GALNTL6: variants seen among roughly 807,000 people sequenced by gnomAD.
GALNTL6 encodes polypeptide N-acetylgalactosaminyltransferase-like 6.
Under a neutral mutation model 73.7 loss-of-function variants are expected in GALNTL6, and 46 were observed. The ratio of observed to expected loss-of-function variants is 0.62; its 90% CI spans 0.49 to 0.80. The LOEUF is 0.80. GALNTL6 is among the 30% of genes least tolerant of loss of function. GALNTL6 has a pLI of 0.00. For missense variants in GALNTL6, 604 were observed against 755.0 expected (o/e 0.80, Z 2.34); for synonymous variants, 259 against 263.7 (o/e 0.98, Z 0.17).
chr4:172,372,999 C>T (rs770228428), intron 5 of GALNTL6, among the ~76,000 whole-genome samples: 1 of 152,168 alleles, frequency 6.6e-6, no homozygotes, highest in Middle Eastern at 3.2e-3. Context: ...ACACCTTGTA[C>T]CCTTGATCGG....
intron 5 of GALNTL6, among the ~76,000 whole-genome samples, chr4:172,427,439 C>T (rs564386084): frequency 6.6e-6 from 1 of 152,146 alleles, no homozygotes; most frequent in South Asian, 2.1e-4. Flanking sequence ...CAGGTCCTTA[C>T]CAGGGCATGT....
At chr4:172,087,444 C>CCCA (rs1732077907) in intron 2 of GALNTL6, among the ~76,000 whole-genome samples, 1 of 100,572 alleles carries the variant, frequency 9.9e-6, no homozygotes, top group Non-Finnish European at 2.0e-5. Context: ...GACTCCATCC[C>CCCA]AAAAAAAAAA....
intron 2 of GALNTL6, among the ~76,000 whole-genome samples, chr4:172,215,995 CCA>C (rs1736485599): frequency 6.6e-6 from 1 of 152,066 alleles, no homozygotes; most frequent in Non-Finnish European, 1.5e-5. Context: ...AACATTGCTG[CCA>C]TTCATTTTAT....
intron 5 of GALNTL6, among the ~76,000 whole-genome samples, chr4:172,579,535 G>A (rs1184109672): frequency 6.6e-6 from 1 of 152,130 alleles, no homozygotes; most frequent in Non-Finnish European, 1.5e-5. Context: ...AGAGAGCAAT[G>A]TTCCTCGAAG....
At chr4:171,919,839 G>A (rs1302005264) in intron 2 of GALNTL6, among the ~76,000 whole-genome samples, 1 of 152,168 alleles carries the variant, frequency 6.6e-6, no homozygotes, top group African/African-American at 2.4e-5. Context: ...CATCGTGGAA[G>A]TCAGTGTGGC....
At chr4:172,811,887 A>G (rs1328790026) in intron 6 of GALNTL6, among the ~76,000 whole-genome samples, 3 of 152,208 alleles carry the variant, frequency 2.0e-5, no homozygotes, top group Non-Finnish European at 2.9e-5. Flanking sequence ...TTCATTCCTG[A>G]AGACAGAAAT....
At chr4:171,934,147 C>T (rs1738271214) in intron 2 of GALNTL6, among the ~76,000 whole-genome samples, 2 of 152,112 alleles carry the variant, frequency 1.3e-5, no homozygotes, top group Admixed American at 6.5e-5. Flanking sequence ...GATGATATGA[C>T]TTCAGTTTCT....
At chr4:172,849,645 TATG>T (rs1743707862) in intron 7 of GALNTL6, among the ~76,000 whole-genome samples, 1 of 152,230 alleles carries the variant, frequency 6.6e-6, no homozygotes. Context: ...TAGTTTACAA[TATG>T]ATAATATTTA....
At chr4:172,305,454 A>G (rs1473734201) in intron 3 of GALNTL6, among the ~76,000 whole-genome samples, 2 of 152,174 alleles carry the variant, frequency 1.3e-5, no homozygotes, top group African/African-American at 4.8e-5. Flanking sequence ...ATATTTAAAG[A>G]AAGATGCTGT....
At chr4:172,166,539 T>G (rs1446295645) in intron 2 of GALNTL6, among the ~76,000 whole-genome samples, 12 of 152,062 alleles carry the variant, frequency 7.9e-5, no homozygotes, top group Admixed American at 7.9e-4. Flanking sequence ...AACAAACACA[T>G]AAGAAGAATA....
intron 2 of GALNTL6, among the ~76,000 whole-genome samples, chr4:171,847,013 T>C (rs1735393244): frequency 6.7e-6 from 1 of 150,032 alleles, no homozygotes; most frequent in African/African-American, 2.4e-5. Context: ...TAGATATCTA[T>C]ATCTCTCTCT....
At chr4:171,889,861 AT>A (rs1736712835) in intron 2 of GALNTL6, among the ~76,000 whole-genome samples, 2 of 152,068 alleles carry the variant, frequency 1.3e-5, no homozygotes, top group African/African-American at 4.8e-5. Context: ...AAGTCAAGTC[AT>A]TTTCTAAGAC....
intron 5 of GALNTL6, among the ~76,000 whole-genome samples, chr4:172,648,080 T>A (rs1431258270): frequency 6.6e-6 from 1 of 152,066 alleles, no homozygotes; most frequent in African/African-American, 2.4e-5. Flanking sequence ...GGCTCCGGCA[T>A]GGGTAGATTT....
chr4:172,096,300 G>T (rs890016197), intron 2 of GALNTL6, among the ~76,000 whole-genome samples: 24 of 152,076 alleles, frequency 1.6e-4, no homozygotes, highest in Non-Finnish European at 3.1e-4. Flanking sequence ...TCACTATGCT[G>T]CCCAGGCTGG....
At chr4:172,639,024 T>C (rs1450466779) in intron 5 of GALNTL6, among the ~76,000 whole-genome samples, 1 of 152,160 alleles carries the variant, frequency 6.6e-6, no homozygotes. Flanking sequence ...AGGTGCTACA[T>C]GATGTTGGTT....
intron 2 of GALNTL6, among the ~76,000 whole-genome samples, chr4:172,182,427 G>C (rs1040322137): frequency 2.1e-4 from 32 of 151,588 alleles, no homozygotes; most frequent in Non-Finnish European, 1.5e-5. Flanking sequence ...TGGGAATCTT[G>C]TAATTTGGTA....
At chr4:172,049,185 G>T (rs1164662025) in intron 2 of GALNTL6, among the ~76,000 whole-genome samples, 1 of 151,868 alleles carries the variant, frequency 6.6e-6, no homozygotes, top group Non-Finnish European at 1.5e-5. Flanking sequence ...ATATTTCTTT[G>T]TGGGTCTAGT....
chr4:172,382,901 G>T (rs553559634), intron 5 of GALNTL6, among the ~76,000 whole-genome samples: 1 of 151,846 alleles, frequency 6.6e-6, no homozygotes, highest in African/African-American at 2.4e-5. Flanking sequence ...TTAAAGGACT[G>T]TTTTTTCCCC....
At chr4:172,795,134 G>T (rs1740194201) in intron 5 of GALNTL6, among the ~76,000 whole-genome samples, 1 of 152,160 alleles carries the variant, frequency 6.6e-6, no homozygotes, top group Non-Finnish European at 1.5e-5. Context: ...ATCAAAGAAG[G>T]TTTGCTTTCT....
Sources: gnomAD v4.1 joint callset for allele counts (sites outside exome capture counted in the v4.1 genomes callset) on GRCh38, gnomAD v4.1.1 for gene constraint, MANE v1.5 for transcripts, NCBI Gene and HGNC (gene_info 2026-07-23, HGNC 2026-07-21) for gene names.